Variants in TRIM61 observed in about 807,000 individuals in gnomAD.
TRIM61 encodes tripartite motif containing 61.
A neutral mutation model predicts 14.2 loss-of-function variants in TRIM61; 1 was observed. The observed-to-expected ratio is 0.07, with a 90% CI of 0.03 to 0.33. The LOEUF (loss-of-function observed/expected upper bound fraction) is 0.33, where lower values mean the gene tolerates loss of function less well. Among genes scored for constraint, TRIM61 ranks in the 10% least tolerant of loss-of-function variants. TRIM61 has a pLI of 0.99. For missense variants in TRIM61, 19 were observed against 202.2 expected, an observed-to-expected ratio of 0.09 and a Z score of 5.49; for synonymous variants, 8 against 71.6, an observed-to-expected ratio of 0.11 and a Z score of 4.49.
At chr4:164,955,609 T>C (rs1460735588) in intron 3 of TRIM61, among the ~76,000 whole-genome samples, 2 of 149,230 alleles carry the variant, frequency 1.3e-5, no homozygotes, top group Admixed American at 1.3e-4. Flanking sequence ...CCAGAAGATA[T>C]GTCTTTATTG....
At chr4:164,962,434 G>C (rs891997137) in intron 3 of TRIM61, among the ~76,000 whole-genome samples, 1 of 150,844 alleles carries the variant, frequency 6.6e-6, no homozygotes, top group South Asian at 2.1e-4. Context: ...TATTAGAGAC[G>C]GGGTTTCACC....
At chr4:164,971,891 T>C (rs1732374970) in intron 2 of TRIM61, among the ~76,000 whole-genome samples, 1 of 152,176 alleles carries the variant, frequency 6.6e-6, no homozygotes, top group Non-Finnish European at 1.5e-5. Context: ...TTCTTCTTCC[T>C]CTCACTTTCC....
chr4:164,957,305 CCAG>C (rs1560881811), intron 3 of TRIM61: 1 of 1,614,110 alleles, frequency 6.2e-7, no homozygotes, highest in Non-Finnish European at 8.5e-7. Flanking sequence ...CTCATGGTGC[CCAG>C]AGAGGAATTT....
intron 3 of TRIM61, among the ~76,000 whole-genome samples, chr4:164,962,882 C>A (rs1028471343): frequency 6.6e-6 from 1 of 151,904 alleles, no homozygotes; most frequent in Non-Finnish European, 1.5e-5. Context: ...GAATACAAGA[C>A]CACAAAGGAT....
intron 3 of TRIM61, chr4:164,958,963 C>G (rs934453343): frequency 1.6e-4 from 27 of 167,078 alleles, no homozygotes; most frequent in African/African-American, 6.5e-4. Context: ...GGCACATACT[C>G]TATCTTTCCC....
chr4:164,956,933 C>T (rs1199501344), intron 3 of TRIM61: 87 of 1,286,218 alleles, frequency 6.8e-5, no homozygotes, highest in Non-Finnish European at 8.5e-5. Flanking sequence ...TGGGTGCGGC[C>T]GGCACCGTCT....
chr4:164,960,836 A>AGCTATTTGGGAG lies in TRIM61; in HGVS notation c.526-5752_526-5741dup, dbSNP rs1732115431. On this transcript the variant is annotated intron_variant, in intron 3 of 4. Transcript: ENST00000329314. ...CGTGGTGACACATGCCTATAATACC[A>AGCTATTTGGGAG]GCTATTTGGGAGGCTGTGGCAGGAA... 2.0e-5 allele frequency among the ~76,000 whole-genome samples: 3 copies of AGCTATTTGGGAG among 152,012 alleles called. No individual in the cohort carries two copies. In the South Asian group the frequency reaches 6.2e-4, roughly 32 times the overall value.
At position 164,955,390 on chromosome 4, in the gene TRIM61, A is replaced by T. The variant is rs570326610; in HGVS notation, c.526-294T>A. ...TGGAATATATTGAGTTCTGTGCCAC[A>T]CCAAATCCTATGTTTTAAAAAATTT... On this transcript the variant is annotated intron_variant, in intron 3 of 4. Transcript: ENST00000329314. Among the ~76,000 whole-genome samples, 22 of 152,096 alleles carry T rather than the reference A, an allele frequency of 1.4e-4. No individual in the cohort carries two copies. The South Asian group carries it at 3.9e-3, about 27-fold the overall frequency.
At chr4:164,957,165 C>T (rs1478088551) in intron 3 of TRIM61, 4 of 1,611,802 alleles carry the variant, frequency 2.5e-6, no homozygotes, top group Non-Finnish European at 2.5e-6. Flanking sequence ...AGACCTTATA[C>T]GCTGACCGGC....
At chr4:164,956,493 C>G (rs11100583) in intron 3 of TRIM61, among the ~76,000 whole-genome samples, 22,255 of 152,204 alleles carry the variant, frequency 0.15, 2,478 homozygotes, top group East Asian at 0.62. Flanking sequence ...ATAACCCCAG[C>G]AACTTCTCCT....
chr4:164,968,310 G>C (rs1732284912), intron 3 of TRIM61: 1 of 959,498 alleles, frequency 1.0e-6, no homozygotes, highest in Non-Finnish European at 1.2e-6. Flanking sequence ...GCTTTTATTG[G>C]CAATTACAAA....
intron 3 of TRIM61, among the ~76,000 whole-genome samples, chr4:164,963,641 G>A (rs1215312907): frequency 6.6e-6 from 1 of 151,958 alleles, no homozygotes; most frequent in Non-Finnish European, 1.5e-5. Context: ...CTATTTGGGA[G>A]GCTGAGATGG....
intron 3 of TRIM61, chr4:164,957,980 A>G (rs1732052331): frequency 1.2e-5 from 2 of 168,538 alleles, no homozygotes; most frequent in African/African-American, 2.4e-5. Flanking sequence ...CATTTTACAT[A>G]GATCTGACTC....
At chr4:164,956,873 C>A in intron 3 of TRIM61, 2 of 771,198 alleles carry the variant, frequency 2.6e-6, no homozygotes, top group Non-Finnish European at 4.0e-6. Context: ...GCGTTTCTCC[C>A]AGGAGGCTGG....
chr4:164,964,220 C>T (rs1436188727), intron 3 of TRIM61, among the ~76,000 whole-genome samples: 1 of 151,126 alleles, frequency 6.6e-6, no homozygotes. Flanking sequence ...TGGTGGTGGG[C>T]GCATGTAGTC....
At chr4:164,968,423 T>A in intron 3 of TRIM61, 3 of 984,850 alleles carry the variant, frequency 3.0e-6, no homozygotes, top group Non-Finnish European at 3.6e-6. Context: ...CATAATTTAA[T>A]ATAAAGTAGG....
intron 3 of TRIM61, chr4:164,957,799 A>C: frequency 3.8e-6 from 1 of 263,764 alleles, no homozygotes. Context: ...TAAAGCTCTA[A>C]TAAGTGAGAT....
chr4:164,972,310 A>G (rs1732386399), intron 2 of TRIM61, among the ~76,000 whole-genome samples: 1 of 152,232 alleles, frequency 6.6e-6, no homozygotes, highest in East Asian at 1.9e-4. Context: ...TAAGAATATC[A>G]TGTAAGTTGT....
chr4:164,970,357 C>T lies in TRIM61; in HGVS notation c.-337-18G>A, dbSNP rs1296810692. 8.5e-6 allele frequency: 2 copies of T among 234,596 alleles called. No individual in the cohort carries two copies. Among genetic ancestry groups the T allele is most frequent in the African/African-American group, 4.6e-5 (2 of 43,450 alleles). The allele number at this position is 234,596 out of a possible 1,614,324, so 14.5% of individuals were successfully genotyped here. On this transcript the variant is annotated intron_variant, in intron 2 of 4. Coordinates refer to ENST00000329314, the MANE Select transcript of TRIM61 (RefSeq NM_001012414.3). ...AATCCTTCCTATGAGTAAGAAAAGA[C>T]ACCACGTTAAAATTCCATAATCACA...
Sources: allele counts gnomAD v4.1 joint callset (sites outside exome capture counted in the v4.1 genomes callset), GRCh38; gene constraint gnomAD v4.1.1; transcripts MANE v1.5; gene names NCBI Gene and HGNC (gene_info 2026-07-23, HGNC 2026-07-21).